Variants in ERC1 observed in about 807,000 individuals in gnomAD.
The protein encoded by ERC1 is ELKS/RAB6-interacting/CAST family member 1, also known as RAB6 interacting protein 2.
Under a neutral mutation model 132.0 loss-of-function variants are expected in ERC1, and 56 were observed. The observed-to-expected ratio is 0.42, with a 90% CI of 0.34 to 0.53. The LOEUF is 0.53. Among genes scored for constraint, ERC1 ranks in the 20% least tolerant of loss-of-function variants. ERC1 has a pLI of 0.03. For synonymous variants in ERC1, 478 were observed against 476.1 expected (o/e 1.00, Z -0.05); for missense variants, 1,202 against 1,349.9 (o/e 0.89, Z 1.72).
intron 7 of ERC1, among the ~76,000 whole-genome samples, chr12:1,139,187 T>A (rs2154247332): frequency 6.6e-6 from 1 of 152,132 alleles, no homozygotes; most frequent in African/African-American, 2.4e-5. Flanking sequence ...TAAGTTAAGC[T>A]TTTTTTTAGG....
At chr12:1,297,538 C>CAAAAA (rs34023344) in intron 15 of ERC1, among the ~76,000 whole-genome samples, 2 of 80,572 alleles carry the variant, frequency 2.5e-5, no homozygotes, top group African/African-American at 9.2e-5. Flanking sequence ...CCTGTTTCTA[C>CAAAAA]AAAAAAAAAA....
At position 1,183,049 on chromosome 12, in the gene ERC1, G is replaced by A. The variant is rs1954659048; in HGVS notation, c.2017-232G>A. Among the ~76,000 whole-genome samples, 3 of 152,266 alleles carry A rather than the reference G, an allele frequency of 2.0e-5. No individual in the cohort carries two copies. The South Asian group carries it at 6.2e-4, about 32-fold the overall frequency. ...TACTTTGGTTTATTTTGTATTGACA[G>A]AACTCTTTACATCACTGTTCAATGG... On this transcript the variant is annotated intron_variant, in intron 10 of 18. Transcript: ENST00000360905.
chr12:1,176,216 A>G (rs1464935049), intron 8 of ERC1, among the ~76,000 whole-genome samples: 1 of 152,248 alleles, frequency 6.6e-6, no homozygotes, highest in Non-Finnish European at 1.5e-5. Flanking sequence ...TGGATGTTAT[A>G]TTAGCAGGCA....
At chr12:1,122,975 G>A (rs10848440) in intron 7 of ERC1, among the ~76,000 whole-genome samples, 93,232 of 151,886 alleles carry the variant, frequency 0.61, 30,926 homozygotes, top group East Asian at 0.87. Flanking sequence ...AGATGATCAT[G>A]CCAGAGGCGT....
Position 1,265,198 on chromosome 12 carries a change from C to T in ERC1, c.2619+2033C>T, listed in dbSNP as rs564010291. The stretch of plus-strand genomic sequence containing the variant: ...GTAATTTCCTTTAATCTTGATTTTA[C>T]CCTTTTTATATTCTCTCCTTTATTT... On this transcript the variant is annotated intron_variant, in intron 14 of 18. Transcript: ENST00000360905. 1.3e-4 allele frequency among the ~76,000 whole-genome samples: 20 copies of T among 152,212 alleles called. No individual in the cohort carries two copies. The South Asian group carries it at 3.7e-3, about 28-fold the overall frequency.
chr12:1,410,644 CTTT>C (rs200087458), intron 17 of ERC1, among the ~76,000 whole-genome samples: 1 of 126,920 alleles, frequency 7.9e-6, no homozygotes, highest in East Asian at 2.3e-4. Flanking sequence ...GATTTTGTGG[CTTT>C]TTTTTTTTTT....
At chr12:1,359,818 A>G (rs886157693) in intron 15 of ERC1, among the ~76,000 whole-genome samples, 1 of 152,258 alleles carries the variant, frequency 6.6e-6, no homozygotes, top group African/African-American at 2.4e-5. Flanking sequence ...TTATATTGAA[A>G]GGACTATTGG....
chr12:1,206,474 T>G (rs1957359407), intron 12 of ERC1, among the ~76,000 whole-genome samples: 1 of 152,114 alleles, frequency 6.6e-6, no homozygotes, highest in Non-Finnish European at 1.5e-5. Context: ...TCCTCTCTTC[T>G]CCCTTGTCTT....
intron 13 of ERC1, among the ~76,000 whole-genome samples, chr12:1,255,598 T>G (rs1263692999): frequency 6.6e-6 from 1 of 150,522 alleles, no homozygotes; most frequent in Admixed American, 6.6e-5. Flanking sequence ...CCACAACCTC[T>G]TCAGCATCTG....
At chr12:1,368,415 A>G (rs1411880849) in intron 15 of ERC1, among the ~76,000 whole-genome samples, 1 of 152,180 alleles carries the variant, frequency 6.6e-6, no homozygotes, top group Non-Finnish European at 1.5e-5. Flanking sequence ...AATTATATTG[A>G]GTAGACAGCT....
intron 18 of ERC1, among the ~76,000 whole-genome samples, chr12:1,483,634 AAGT>A (rs1444481374): frequency 6.7e-6 from 1 of 149,606 alleles, no homozygotes; most frequent in Non-Finnish European, 1.5e-5. Flanking sequence ...TGTAAAGTAA[AAGT>A]AAAATCAAAA....
intron 4 of ERC1, among the ~76,000 whole-genome samples, chr12:1,105,452 G>T (rs975401500): frequency 6.6e-6 from 1 of 152,014 alleles, no homozygotes; most frequent in African/African-American, 2.4e-5. Flanking sequence ...CCGTCTCCCG[G>T]GTTCACGCCA....
intron 13 of ERC1, among the ~76,000 whole-genome samples, chr12:1,238,029 G>C (rs1346622962): frequency 6.6e-6 from 1 of 152,048 alleles, no homozygotes; most frequent in Non-Finnish European, 1.5e-5. Flanking sequence ...AACTTTTACT[G>C]ATTATGTTTA....
intron 13 of ERC1, among the ~76,000 whole-genome samples, chr12:1,254,006 G>GAAT (rs2076632002): frequency 6.6e-6 from 1 of 152,164 alleles, no homozygotes; most frequent in African/African-American, 2.4e-5. Context: ...TGTACTCTGT[G>GAAT]AGTGAAGTAT....
intron 18 of ERC1, among the ~76,000 whole-genome samples, chr12:1,487,372 A>ATTTTTTTT (rs574707385): frequency 3.5e-5 from 2 of 57,924 alleles, no homozygotes; most frequent in Non-Finnish European, 6.2e-5. Flanking sequence ...AAGCATCTAG[A>ATTTTTTTT]TTTTTTTTTT....
chr12:1,106,358 A>C (rs1164516271), intron 4 of ERC1, among the ~76,000 whole-genome samples: 3 of 152,206 alleles, frequency 2.0e-5, no homozygotes, highest in Non-Finnish European at 4.4e-5. Context: ...CTACTTCTTC[A>C]TATCCTCTAG....
intron 2 of ERC1, among the ~76,000 whole-genome samples, chr12:1,076,918 G>A (rs987057526): frequency 1.3e-5 from 2 of 152,324 alleles, no homozygotes; most frequent in Non-Finnish European, 2.9e-5. Context: ...ATCAGTCTTA[G>A]AAGTGCTATT....
At chr12:1,205,127 A>G (rs961040936) in intron 12 of ERC1, among the ~76,000 whole-genome samples, 1 of 152,200 alleles carries the variant, frequency 6.6e-6, no homozygotes, top group African/African-American at 2.4e-5. Context: ...TATTATTTTG[A>G]TTTTTTAGTT....
At chr12:1,027,652 A>T in intron 1 of ERC1, 96 bp from the exon 2 acceptor site, 1 of 493,474 alleles carries the variant, frequency 2.0e-6, no homozygotes, top group South Asian at 3.3e-5. Flanking sequence ...TACATGGTAG[A>T]AGGGCTAGAT....
Sources: gnomAD v4.1 joint callset for allele counts (sites outside exome capture counted in the v4.1 genomes callset) on GRCh38, gnomAD v4.1.1 for gene constraint, MANE v1.5 for transcripts, NCBI Gene and HGNC (gene_info 2026-07-23, HGNC 2026-07-21) for gene names.